The following PRKN variants were observed in gnomAD, a reference collection of about 807,000 sequenced individuals.
PRKN encodes E3 ubiquitin-protein ligase parkin.
In PRKN, 56 loss-of-function variants were observed where a neutral mutation model predicts 59.5. The observed-to-expected ratio is 0.94, with a 90% confidence interval of 0.76 to 1.18. The LOEUF (loss-of-function observed/expected upper bound fraction) is 1.18, where lower values mean the gene tolerates loss of function less well. Ranked by LOEUF, PRKN falls within the 50% of genes most tolerant of loss-of-function variation. The probability of loss-of-function intolerance (pLI) is 0.00; values close to 1 mark genes in which losing one functional copy is unlikely to be tolerated. For missense variants in PRKN, 657 were observed against 596.4 expected (o/e 1.10, Z -1.06); for synonymous variants, 250 against 222.1 (o/e 1.13, Z -1.12).
chr6:162,115,783 C>T (rs2128303948), intron 4 of PRKN, among the ~76,000 whole-genome samples: 1 of 152,220 alleles, frequency 6.6e-6, no homozygotes, highest in South Asian at 2.1e-4. Flanking sequence ...AAGTAGACTC[C>T]CTACTTCCCA....
Position 161,363,364 on chromosome 6 carries a change from T to A in PRKN, c.1168-3159A>T, listed in dbSNP as rs1176958901. The stretch of plus-strand genomic sequence containing the variant: ...AGGGAGATGTAAAAAAGAAACAAAT[T>A]TCTTTGTTTTGTCCATTTTTCTGGA... On this transcript the variant is annotated intron_variant, in intron 10 of 11. Coordinates refer to ENST00000366898, the MANE Select transcript of PRKN (RefSeq NM_004562.3). The surrounding 1 kb of genome is among the most constrained non-coding windows in gnomAD (Gnocchi z 4.1). 6.6e-6 allele frequency among the ~76,000 whole-genome samples: 1 copy of A among 152,162 alleles called. No homozygotes were observed. Among genetic ancestry groups the A allele is most frequent in the Non-Finnish European group, 1.5e-5 (1 of 68,042 alleles).
rs1786766524 is a variant in PRKN at position 161,396,507 on chromosome 6, C to T, written c.1084-9630G>A. Among the ~76,000 whole-genome samples, 1 of 152,138 alleles carries T rather than the reference C, an allele frequency of 6.6e-6. No individual in the cohort carries two copies. The highest frequency in any genetic ancestry group is 1.5e-5 in the Non-Finnish European group (1 of 68,042). ...ATTCAATGCCACTTTCAAACATCGC[C>T]ATTCATTAGTGGGCCCATTCAAATA... On this transcript the variant is annotated intron_variant, in intron 9 of 11. Transcript: ENST00000366898. This position sits in a 1 kb window ranked among gnomAD's most constrained non-coding sequence, Gnocchi z 5.4.
intron 7 of PRKN, among the ~76,000 whole-genome samples, chr6:161,570,213 T>C (rs1219927957): frequency 1.4e-5 from 2 of 143,264 alleles, no homozygotes; most frequent in Admixed American, 1.4e-4. Context: ...TAAAATATTA[T>C]ATAATTATAT....
intron 2 of PRKN, among the ~76,000 whole-genome samples, chr6:162,376,397 G>A (rs1786083705): frequency 6.6e-6 from 1 of 151,898 alleles, no homozygotes; most frequent in African/African-American, 2.4e-5. Flanking sequence ...ATGTTTGTGG[G>A]GTCCACAGCC....
chr6:161,883,003 T>G (rs1432625350), intron 6 of PRKN, among the ~76,000 whole-genome samples: 2 of 138,958 alleles, frequency 1.4e-5, no homozygotes, highest in Non-Finnish European at 3.0e-5. Context: ...AGACTCTGAC[T>G]CAAAGAAAAC....
intron 9 of PRKN, among the ~76,000 whole-genome samples, chr6:161,443,429 A>G (rs1411947971): frequency 1.3e-5 from 2 of 152,176 alleles, no homozygotes; most frequent in African/African-American, 4.8e-5. Context: ...CATTGCCTAA[A>G]TCAAGCGCAG....
At chr6:162,310,814 G>A (rs1782475622) in intron 2 of PRKN, among the ~76,000 whole-genome samples, 1 of 140,748 alleles carries the variant, frequency 7.1e-6, no homozygotes, top group South Asian at 2.1e-4. Flanking sequence ...AAGGTTTTAT[G>A]TACAATTTTT....
At chr6:162,601,921 T>C (rs1781729290) in intron 1 of PRKN, among the ~76,000 whole-genome samples, 1 of 152,320 alleles carries the variant, frequency 6.6e-6, no homozygotes, top group South Asian at 2.1e-4. Flanking sequence ...CAATCTATCA[T>C]GTGTTTTCTC....
chr6:162,493,673 G>A (rs1792921638), intron 1 of PRKN, among the ~76,000 whole-genome samples: 2 of 152,182 alleles, frequency 1.3e-5, no homozygotes, highest in African/African-American at 4.8e-5. Context: ...TTAAGCTGGT[G>A]ATAAGAAAAT....
At chr6:162,179,946 A>G (rs1783715143) in intron 4 of PRKN, among the ~76,000 whole-genome samples, 1 of 81,392 alleles carries the variant, frequency 1.2e-5, no homozygotes, top group Admixed American at 1.4e-4. Context: ...GTAAGGGGAC[A>G]GTGCTTTTTG....
At chr6:161,821,600 C>G (rs189986125) in intron 6 of PRKN, among the ~76,000 whole-genome samples, 5 of 152,098 alleles carry the variant, frequency 3.3e-5, no homozygotes, top group Admixed American at 3.3e-4. Context: ...AAATTTTCCT[C>G]CTAATTATCC....
rs143703524 is a variant in PRKN at position 161,516,010 on chromosome 6, A to G, written c.1083+32844T>C. Among the ~76,000 whole-genome samples, 8 of 152,352 alleles carry G rather than the reference A, an allele frequency of 5.3e-5. No homozygotes were observed. In the East Asian group the frequency reaches 1.2e-3, roughly 22 times the overall value. On this transcript the variant is annotated intron_variant, in intron 9 of 11. Transcript: ENST00000366898. ...TCTCAGTGACCTGTAAGTAGTGCCT[A>G]TAATTATTAAAAATAACCATCAAGC...
chr6:162,629,944 AC>A, intron 1 of PRKN, among the ~76,000 whole-genome samples: 1 of 152,256 alleles, frequency 6.6e-6, no homozygotes, highest in African/African-American at 2.4e-5. Flanking sequence ...TCCTCAGAAT[AC>A]TTTCATTACA....
intron 2 of PRKN, among the ~76,000 whole-genome samples, chr6:162,435,124 A>G (rs1562762414): frequency 6.6e-6 from 1 of 152,218 alleles, no homozygotes. Context: ...CAGTTTCAGT[A>G]TGGCATCTCT....
At chr6:161,707,360 C>T (rs767662075) in intron 7 of PRKN, among the ~76,000 whole-genome samples, 4 of 151,976 alleles carry the variant, frequency 2.6e-5, no homozygotes, top group Non-Finnish European at 5.9e-5. Flanking sequence ...GAGGAAACGC[C>T]GGTATGCTAA....
intron 6 of PRKN, among the ~76,000 whole-genome samples, chr6:161,877,461 ATTT>A (rs35664661): frequency 3.5e-5 from 5 of 141,294 alleles, no homozygotes; most frequent in African/African-American, 5.3e-5. Flanking sequence ...ACATATTTGC[ATTT>A]TTTTTTTTTT....
chr6:161,710,305 T>C lies in PRKN; in HGVS notation c.871+75467A>G, dbSNP rs186090348. On this transcript the variant is annotated intron_variant, in intron 7 of 11. Coordinates refer to ENST00000366898, the MANE Select transcript of PRKN (RefSeq NM_004562.3). ...ATGGTTCAGCCTTATGATGGTGTAATGCTTTCAGCACGCTCATTCACTTCC... is the reference window on the plus strand; with the variant it reads ...ATGGTTCAGCCTTATGATGGTGTAACGCTTTCAGCACGCTCATTCACTTCC... 3.6e-3 allele frequency among the ~76,000 whole-genome samples: 551 copies of C among 152,344 alleles called. 9 individuals carry two copies. Among genetic ancestry groups the C allele is most frequent in the Non-Finnish European group, 5.2e-3 (353 of 68,036 alleles).
intron 6 of PRKN, among the ~76,000 whole-genome samples, chr6:161,903,813 T>G (rs1425740645): frequency 1.3e-5 from 2 of 151,864 alleles, no homozygotes; most frequent in Non-Finnish European, 1.5e-5. Flanking sequence ...TTTTTTTTTT[T>G]TTAATGGTCC....
At chr6:162,150,291 C>T (rs713055) in intron 4 of PRKN, among the ~76,000 whole-genome samples, 64,818 of 152,030 alleles carry the variant, frequency 0.43, 14,439 homozygotes, top group East Asian at 0.6. Context: ...CCTAAGAAGA[C>T]AGTGGCAAAA....
Sources: gnomAD v4.1 joint callset for allele counts (sites outside exome capture counted in the v4.1 genomes callset) on GRCh38, gnomAD v4.1.1 for gene constraint, Gnocchi (gnomAD v3.1) non-coding constraint, MANE v1.5 for transcripts, NCBI Gene and HGNC (gene_info 2026-07-23, HGNC 2026-07-21) for gene names.